The following DCHS2 variants were observed in gnomAD, a reference collection of about 807,000 sequenced individuals.
DCHS2 encodes the protein dachsous cadherin-related 2.
A neutral mutation model predicts 182.4 loss-of-function variants in DCHS2; 142 were observed. The observed-to-expected ratio is 0.78, with a 90% CI of 0.68 to 0.89. The LOEUF is 0.89. Among genes scored for constraint, DCHS2 ranks in the 40% least tolerant of loss-of-function variants. The pLI is 0.00. For synonymous variants in DCHS2, 1,740 were observed against 1,663.3 expected (o/e 1.05, Z -1.12); for missense variants, 4,319 against 4,198.6 (o/e 1.03, Z -0.79).
At chr4:154,462,836 C>T (rs1051702432) in intron 1 of DCHS2, among the ~76,000 whole-genome samples, 1 of 151,906 alleles carries the variant, frequency 6.6e-6, no homozygotes. Context: ...ACGAGAGATC[C>T]TAAAACAAGA....
chr4:154,274,204 A>G (rs1187125238), intron 13 of DCHS2, among the ~76,000 whole-genome samples: 3 of 152,164 alleles, frequency 2.0e-5, no homozygotes, highest in African/African-American at 7.2e-5. Flanking sequence ...GAGAAGCTCA[A>G]AATTTTATAT....
At chr4:154,373,678 T>C (rs1020745139) in intron 2 of DCHS2, among the ~76,000 whole-genome samples, 1 of 151,938 alleles carries the variant, frequency 6.6e-6, no homozygotes, top group South Asian at 2.1e-4. Flanking sequence ...TCAGGAGGGG[T>C]CCTGCTTCCA....
At position 154,470,265 on chromosome 4, in the gene DCHS2, C is replaced by T. The variant is rs543092159; in HGVS notation, c.2052+19039G>A. On this transcript the variant is annotated intron_variant, in intron 1 of 19. Coordinates refer to ENST00000357232, the MANE Select transcript of DCHS2 (RefSeq NM_001358235.2). ...GGCTGAGCTTGGAGGATCAATTGAG[C>T]CTCAATTGAGGAGTTTGAGGCTAGC... Among the ~76,000 whole-genome samples the T allele has an allele frequency of 4.3e-4, 66 of 152,172 alleles. No individual in the cohort carries two copies. In the South Asian group the frequency reaches 0.014, roughly 31 times the overall value.
At chr4:154,316,035 A>G in intron 9 of DCHS2, 48 bp from the exon 10 acceptor site, 2 of 1,605,018 alleles carry the variant, frequency 1.2e-6, no homozygotes, top group Non-Finnish European at 1.7e-6. Context: ...TATTCTTTAG[A>G]GAAGTCATGC....
intron 8 of DCHS2, 34 bp from the exon 9 acceptor site, chr4:154,321,256 G>T: frequency 2.8e-6 from 4 of 1,440,534 alleles, no homozygotes; most frequent in East Asian, 2.4e-5. Context: ...TTAATTTGGG[G>T]TATTTTTAAA....
chr4:154,384,181 T>C (rs1227409668), intron 1 of DCHS2, among the ~76,000 whole-genome samples: 1 of 152,216 alleles, frequency 6.6e-6, no homozygotes, highest in Admixed American at 6.5e-5. Context: ...AATGCAAGTA[T>C]GCCACTCTCT....
chr4:154,369,374 C>A (rs1730534933), intron 2 of DCHS2, among the ~76,000 whole-genome samples: 1 of 152,168 alleles, frequency 6.6e-6, no homozygotes, highest in African/African-American at 2.4e-5. Flanking sequence ...TTTTTAGGCC[C>A]CAGAATGCTC....
chr4:154,383,701 ATCAGTGG>A lies in DCHS2; in HGVS notation c.2053-6264_2053-6258del, dbSNP rs146346456. The stretch of plus-strand genomic sequence containing the variant: ...ATAATAGGGCTTCCTCCCCTTCAAC[ATCAGTGG>A]TCAGTCCAGCCATTTATATCAGCCA... On this transcript the variant is annotated intron_variant, in intron 1 of 19. Coordinates refer to ENST00000357232, the MANE Select transcript of DCHS2 (RefSeq NM_001358235.2). Among the ~76,000 whole-genome samples, 257 of 152,176 alleles carry A rather than the reference ATCAGTGG, an allele frequency of 1.7e-3. 3 individuals are homozygous for A. The highest frequency in any genetic ancestry group is 5.7e-3 in the African/African-American group (237 of 41,512).
Position 154,490,284 on chromosome 4 carries a change from C to T in DCHS2, c.1072G>A (p.Val358Met), listed in dbSNP as rs934518835. Residue 358 changes from valine (V) to methionine (M), a missense_variant, in exon 1 of 20, where the codon GTG (valine) becomes ATG (methionine). Transcript: ENST00000357232. Reference sequence around the variant, plus strand: ...CGCACCACGCCGCTCAGCTCCTCCACCGCGAAGTAGGCCGCGTCGCCCAGT... The same window carrying T: ...CGCACCACGCCGCTCAGCTCCTCCATCGCGAAGTAGGCCGCGTCGCCCAGT... ...GALGDAAYFAVEELSGVVRVW... is the reference protein window; with the variant it reads ...GALGDAAYFAMEELSGVVRVW... 1.2e-5 allele frequency: 18 copies of T among 1,548,298 alleles called. No homozygotes were observed. The highest frequency in any genetic ancestry group is 1.5e-5 in the Non-Finnish European group (17 of 1,146,726).
chr4:154,441,732 G>A (rs1490682), intron 1 of DCHS2, among the ~76,000 whole-genome samples: 46,632 of 117,252 alleles, frequency 0.4, 8,910 homozygotes, highest in East Asian at 0.71. Flanking sequence ...CATTTATTAG[G>A]CTTTTTTTTT....
intron 13 of DCHS2, among the ~76,000 whole-genome samples, chr4:154,281,791 T>C (rs1379686850): frequency 3.9e-5 from 6 of 152,116 alleles, no homozygotes; most frequent in Admixed American, 3.9e-4. Context: ...TTTACAAAGC[T>C]ACACCAATCA....
chr4:154,467,960 A>G (rs1174195763), intron 1 of DCHS2, among the ~76,000 whole-genome samples: 1 of 152,154 alleles, frequency 6.6e-6, no homozygotes, highest in Non-Finnish European at 1.5e-5. Context: ...ACATTTAGTC[A>G]TTGTGATGTG....
chr4:154,260,214 C>T (rs1238801083), intron 14 of DCHS2, among the ~76,000 whole-genome samples: 1 of 152,180 alleles, frequency 6.6e-6, no homozygotes, highest in Non-Finnish European at 1.5e-5. Context: ...GGCCTCCTTT[C>T]CCCACCGACC....
chr4:154,302,215 G>A (rs1192949371), intron 12 of DCHS2, among the ~76,000 whole-genome samples: 1 of 152,012 alleles, frequency 6.6e-6, no homozygotes, highest in African/African-American at 2.4e-5. Flanking sequence ...ACATATAATT[G>A]AAAAAAACTT....
intron 9 of DCHS2, among the ~76,000 whole-genome samples, chr4:154,316,937 T>G (rs1278545618): frequency 6.6e-6 from 1 of 152,232 alleles, no homozygotes; most frequent in Admixed American, 6.5e-5. Context: ...TGATTCCAAT[T>G]ATCACATTTT....
chr4:154,456,137 G>A (rs1319312879), intron 1 of DCHS2, among the ~76,000 whole-genome samples: 1 of 151,906 alleles, frequency 6.6e-6, no homozygotes, highest in Non-Finnish European at 1.5e-5. Context: ...CTTCTATCTA[G>A]GCTTCTGTAT....
chr4:154,317,996 T>C (rs1422913413), intron 9 of DCHS2, among the ~76,000 whole-genome samples: 1 of 152,112 alleles, frequency 6.6e-6, no homozygotes, highest in Non-Finnish European at 1.5e-5. Flanking sequence ...CATACTAAAG[T>C]CTTTGAACAA....
At chr4:154,378,928 T>C (rs1201827461) in intron 1 of DCHS2, among the ~76,000 whole-genome samples, 1 of 152,192 alleles carries the variant, frequency 6.6e-6, no homozygotes, top group Non-Finnish European at 1.5e-5. Context: ...TTACCCCAGG[T>C]ATATGTTGTT....
intron 1 of DCHS2, among the ~76,000 whole-genome samples, chr4:154,478,147 A>G (rs1215428665): frequency 6.6e-6 from 1 of 152,226 alleles, no homozygotes; most frequent in Non-Finnish European, 1.5e-5. Flanking sequence ...AGCTGTGCAC[A>G]ATAGCTATCA....
Sources: allele counts gnomAD v4.1 joint callset (sites outside exome capture counted in the v4.1 genomes callset), GRCh38; gene constraint gnomAD v4.1.1; transcripts MANE v1.5; gene names NCBI Gene and HGNC (gene_info 2026-07-23, HGNC 2026-07-21).